Variants in OTUD7B observed in about 807,000 individuals in gnomAD.
OTUD7B encodes the protein OTU deubiquitinase 7B, also known as OTU domain-containing protein 7B.
OTUD7B carries 34 observed loss-of-function variants against 82.2 expected under a neutral mutation model. The ratio of observed to expected loss-of-function variants is 0.41; its 90% CI spans 0.31 to 0.55. OTUD7B has a LOEUF of 0.55. Among genes scored for constraint, OTUD7B ranks in the 20% least tolerant of loss-of-function variants. The pLI, the probability that OTUD7B is intolerant of heterozygous loss-of-function variation, is 0.20. For missense variants in OTUD7B, 944 were observed against 1,062.1 expected, an observed-to-expected ratio of 0.89 and a Z score of 1.55; for synonymous variants, 398 against 402.7, an observed-to-expected ratio of 0.99 and a Z score of 0.14.
chr1:150,041,784 A>T, the OTUD7B span, among the ~76,000 whole-genome samples: 1 of 151,922 alleles, frequency 6.6e-6, no homozygotes, highest in African/African-American at 2.4e-5. Flanking sequence ...TTATTTCATT[A>T]ATTTCTGCTT....
chr1:150,058,092 C>A, the OTUD7B span, among the ~76,000 whole-genome samples: 1 of 152,166 alleles, frequency 6.6e-6, no homozygotes, highest in East Asian at 1.9e-4. Flanking sequence ...TAAAGCTCAA[C>A]GGAAAGAGAA....
chr1:149,991,451 G>C (rs1048282905), intron 1 of OTUD7B, among the ~76,000 whole-genome samples: 9 of 152,104 alleles, frequency 5.9e-5, no homozygotes, highest in African/African-American at 2.2e-4. Context: ...TGGGAACATA[G>C]AATATATACT....
Position 149,944,294 on chromosome 1 carries a change from G to A in OTUD7B, c.2095C>T (p.Pro699Ser), listed in dbSNP as rs1352123844. The part of the protein sequence containing the change: ...STGYPGDFTI[P>S]RPSGGGVHCQ... ...TGGACTCCGCCCCCAGACGGCCGAGGGATAGTAAAGTCCCCAGGGTAGCCA... is the reference window on the plus strand; with the variant it reads ...TGGACTCCGCCCCCAGACGGCCGAGAGATAGTAAAGTCCCCAGGGTAGCCA... Residue 699 changes from proline (P) to serine (S), a missense_variant, in exon 12 of 12, where the codon CCT (proline) becomes TCT (serine). Pro to Ser is a moderately conservative substitution (Grantham distance 74, BLOSUM62 -1). This residue lies in a region of OTUD7B where 412 missense variants were observed against 418.7 expected (regional missense o/e 0.98). Coordinates refer to ENST00000581312, the MANE Select transcript of OTUD7B (RefSeq NM_020205.4). 5.6e-6 allele frequency: 9 copies of A among 1,610,776 alleles called. No homozygotes were observed. The highest frequency in any genetic ancestry group is 7.6e-6 in the Non-Finnish European group (9 of 1,178,032).
At chr1:149,959,134 T>C (rs1553775151) in intron 7 of OTUD7B, among the ~76,000 whole-genome samples, 3 of 150,514 alleles carry the variant, frequency 2.0e-5, no homozygotes. Context: ...AAACAGAGAA[T>C]CACTTGAACC....
chr1:150,035,964 T>TC, the OTUD7B span, among the ~76,000 whole-genome samples: 1 of 151,176 alleles, frequency 6.6e-6, no homozygotes, highest in Non-Finnish European at 1.5e-5. Flanking sequence ...ACTGTTTTTT[T>TC]TTTTTTTTTG....
At chr1:149,979,809 C>T (rs1372309818) in intron 1 of OTUD7B, among the ~76,000 whole-genome samples, 2 of 152,064 alleles carry the variant, frequency 1.3e-5, no homozygotes, top group Non-Finnish European at 2.9e-5. Flanking sequence ...ATTTCTTCTC[C>T]AAACCCATTT....
Position 149,992,471 on chromosome 1 carries a change from T to TTTTG in OTUD7B, c.-66-14896_-66-14895insCAAA, listed in dbSNP as rs1298859545. On this transcript the variant is annotated intron_variant, in intron 1 of 11. Coordinates refer to ENST00000581312, the MANE Select transcript of OTUD7B (RefSeq NM_020205.4). Reference sequence around the variant, plus strand: ...TAAATTGTTTTGTGTGCATGTGTTTTTTTTTTTTTTTTTTTTTTTTTTAGT... The same window carrying TTTTG: ...TAAATTGTTTTGTGTGCATGTGTTTTTTTGTTTTTTTTTTTTTTTTTTTTTTAGT... 1.9e-3 allele frequency among the ~76,000 whole-genome samples: 3 copies of TTTTG among 1,582 alleles called. 1 individual carries two copies. In the Non-Finnish European group the frequency reaches 0.062, roughly 33 times the overall value. The allele number at this position is 1,582 out of a possible 152,430, so 1.0% of individuals were successfully genotyped here.
At chr1:149,982,542 C>G (rs1476375313) in intron 1 of OTUD7B, among the ~76,000 whole-genome samples, 1 of 152,032 alleles carries the variant, frequency 6.6e-6, no homozygotes, top group Admixed American at 6.6e-5. Context: ...TCACTGCAAC[C>G]TCCACCCCCC....
intron 7 of OTUD7B, among the ~76,000 whole-genome samples, chr1:149,956,798 T>C (rs1648710294): frequency 6.6e-6 from 1 of 152,238 alleles, no homozygotes; most frequent in African/African-American, 2.4e-5. Context: ...CTTCAATCAC[T>C]GATACCCTTT....
chr1:149,944,816 T>C lies in OTUD7B; in HGVS notation c.1573A>G (p.Met525Val), dbSNP rs782049026. Residue 525 changes from methionine (M) to valine (V), a missense_variant, in exon 12 of 12, where the codon ATG becomes GTG. This residue lies in a region of OTUD7B where 412 missense variants were observed against 418.7 expected (regional missense o/e 0.98). Coordinates refer to ENST00000581312, the MANE Select transcript of OTUD7B (RefSeq NM_020205.4). ...CCAGGCTTTGAACCCTTGCTGTGCA[T>C]CAGGCCCCCCATGTTCTTCTTGAGC... ...SKLKKNMGGL[M>V]HSKGSKPGGV... is the part of the protein sequence containing the mutation. The C allele has an allele frequency of 6.2e-7, 1 of 1,614,118 alleles. No individual in the cohort carries two copies. The highest frequency in any genetic ancestry group is 8.5e-7 in the Non-Finnish European group (1 of 1,180,022).
At chr1:149,949,485 C>A (rs1553772840) in intron 9 of OTUD7B, 144 bp downstream of exon 9, 13 of 805,594 alleles carry the variant, frequency 1.6e-5, no homozygotes, top group Non-Finnish European at 2.1e-5. Context: ...TTTGAAAACT[C>A]TGGCGTAACT....
intron 1 of OTUD7B, among the ~76,000 whole-genome samples, chr1:149,998,464 C>CA (rs1309174739): frequency 1.3e-5 from 2 of 152,202 alleles, no homozygotes; most frequent in African/African-American, 4.8e-5. Flanking sequence ...CACTGTGCTA[C>CA]AAACTACTTT....
At chr1:149,985,481 T>C (rs587686652) in intron 1 of OTUD7B, among the ~76,000 whole-genome samples, 24 of 152,312 alleles carry the variant, frequency 1.6e-4, no homozygotes, top group Admixed American at 1.1e-3. Context: ...CTTGCACCTA[T>C]AATCTTAGCA....
chr1:150,006,442 T>C (rs1299143093), intron 1 of OTUD7B, among the ~76,000 whole-genome samples: 3 of 152,116 alleles, frequency 2.0e-5, no homozygotes, highest in East Asian at 1.9e-4. Flanking sequence ...GGGAGCAAAG[T>C]TGTCATTTTT....
intron 2 of OTUD7B, 30 bp downstream of exon 2, chr1:149,977,396 C>T (rs1327813862): frequency 2.0e-6 from 3 of 1,494,986 alleles, no homozygotes; most frequent in Non-Finnish European, 2.8e-6. Flanking sequence ...TTTACTTTCT[C>T]TTTTCTCATT....
the OTUD7B span, among the ~76,000 whole-genome samples, chr1:150,052,423 A>T: frequency 6.6e-6 from 1 of 152,172 alleles, no homozygotes. Context: ...CACAATTGTC[A>T]CTAAAAAAAT....
At chr1:149,951,692 C>T (rs1408499759) in intron 7 of OTUD7B, among the ~76,000 whole-genome samples, 2 of 152,142 alleles carry the variant, frequency 1.3e-5, no homozygotes, top group Non-Finnish European at 2.9e-5. Flanking sequence ...CTGGACTTTT[C>T]TGGGGTGGAG....
chr1:150,013,425 A>G (rs1281542769), upstream of OTUD7B, among the ~76,000 whole-genome samples: 1 of 152,216 alleles, frequency 6.6e-6, no homozygotes. Context: ...AGGCAGGGAA[A>G]AAAACTATTT....
intron 1 of OTUD7B, among the ~76,000 whole-genome samples, chr1:149,996,029 C>T (rs1651900500): frequency 6.6e-6 from 1 of 152,188 alleles, no homozygotes; most frequent in Non-Finnish European, 1.5e-5. Flanking sequence ...CCTGCATACT[C>T]ATCAGAGAGA....
Sources: gnomAD v4.1 joint callset for allele counts (sites outside exome capture counted in the v4.1 genomes callset) on GRCh38, gnomAD v4.1.1 for gene constraint, gnomAD v4.1.1 regional missense constraint, MANE v1.5 for transcripts, NCBI Gene and HGNC (gene_info 2026-07-23, HGNC 2026-07-21) for gene names.